The following PCNX2 variants were observed in gnomAD, a reference collection of about 807,000 sequenced individuals.
PCNX2 encodes pecanex 2, also known as pecanex-like protein 2.
PCNX2 carries 168 observed loss-of-function variants against 223.8 expected under a neutral mutation model. The ratio of observed to expected loss-of-function variants is 0.75; its 90% CI spans 0.66 to 0.85. PCNX2 has a LOEUF of 0.85. PCNX2 is among the 40% of genes least tolerant of loss of function. The pLI is 0.00. For missense variants in PCNX2, 2,507 were observed against 2,675.5 expected (o/e 0.94, Z 1.39); for synonymous variants, 1,006 against 1,052.6 (o/e 0.96, Z 0.86).
intron 1 of PCNX2, among the ~76,000 whole-genome samples, chr1:233,275,244 C>T (rs1181495023): frequency 6.6e-6 from 1 of 152,150 alleles, no homozygotes; most frequent in Non-Finnish European, 1.5e-5. Context: ...CGATCTGTCA[C>T]CCAGGCTGGA....
intron 21 of PCNX2, among the ~76,000 whole-genome samples, chr1:233,128,592 C>T (rs1024860238): frequency 2.3e-4 from 35 of 152,168 alleles, no homozygotes; most frequent in Non-Finnish European, 7.4e-5. Context: ...ACCTCAGCCT[C>T]CCGAAGTGCT....
chr1:233,153,499 C>T (rs941696660), intron 19 of PCNX2, among the ~76,000 whole-genome samples: 3 of 151,930 alleles, frequency 2.0e-5, no homozygotes, highest in East Asian at 1.9e-4. Context: ...AGGTGAACAA[C>T]GTTTAGACTT....
chr1:233,077,228 G>C (rs1172297891), intron 23 of PCNX2, among the ~76,000 whole-genome samples: 1 of 152,244 alleles, frequency 6.6e-6, no homozygotes, highest in African/African-American at 2.4e-5. Flanking sequence ...TTATTTTGGT[G>C]GGGGGAAGGA....
chr1:233,122,275 AT>A (rs1457429582), intron 21 of PCNX2, among the ~76,000 whole-genome samples: 9 of 152,190 alleles, frequency 5.9e-5, no homozygotes, highest in Non-Finnish European at 4.4e-5. Context: ...ACTGATATGA[AT>A]GAATGAATAA....
intron 25 of PCNX2, among the ~76,000 whole-genome samples, chr1:233,041,770 T>C (rs1671653395): frequency 6.6e-6 from 1 of 152,204 alleles, no homozygotes; most frequent in Non-Finnish European, 1.5e-5. Flanking sequence ...TGTCACGTTT[T>C]TTACTGTTAA....
intron 16 of PCNX2, 71 bp downstream of exon 16, chr1:233,178,995 G>T: frequency 2.2e-6 from 3 of 1,372,472 alleles, no homozygotes; most frequent in Non-Finnish European, 3.1e-6. Context: ...GCCCATCTCA[G>T]TCAGGGCACA....
chr1:233,265,088 T>TA (rs5781735), intron 1 of PCNX2, among the ~76,000 whole-genome samples: 45,005 of 151,474 alleles, frequency 0.3, 6,906 homozygotes, highest in South Asian at 0.44. Context: ...CTACAAAATT[T>TA]AAAAATTAGC....
chr1:233,325,248 T>G, the PCNX2 span, among the ~76,000 whole-genome samples: 1 of 152,148 alleles, frequency 6.6e-6, no homozygotes, highest in African/African-American at 2.4e-5. Flanking sequence ...AATATCAACA[T>G]TAACAGGAGT....
intron 21 of PCNX2, among the ~76,000 whole-genome samples, chr1:233,104,308 C>G (rs1325722230): frequency 6.6e-6 from 1 of 151,928 alleles, no homozygotes; most frequent in Non-Finnish European, 1.5e-5. Context: ...TTAAAGTCAC[C>G]TAAAAATTTT....
Position 233,258,910 on chromosome 1 carries a change from T to C in PCNX2, c.952A>G (p.Ile318Val). 6.2e-7 allele frequency: 1 copy of C among 1,613,860 alleles called. No individual in the cohort carries two copies. Among genetic ancestry groups the C allele is most frequent in the Non-Finnish European group, 8.5e-7 (1 of 1,179,854 alleles). The stretch of plus-strand genomic sequence containing the variant: ...GGCTCCTCCACAGGCTTGGCCACGA[T>C]GGTGTCACATTGAGGGCAGCTGCTG... The part of the protein sequence containing the change: ...LSSSCPQCDT[I>V]VAKPVEEPAD... The change falls in exon 5 of 34, where the codon ATC becomes GTC. Residue 318 changes from isoleucine to valine, a missense_variant. Ile to Val is a conservative substitution (Grantham distance 29, BLOSUM62 3). Coordinates refer to ENST00000258229, the MANE Select transcript of PCNX2 (RefSeq NM_014801.4).
chr1:233,172,522 AG>A (rs1326231288), intron 17 of PCNX2: 5 of 985,248 alleles, frequency 5.1e-6, no homozygotes, highest in Non-Finnish European at 6.0e-6. Context: ...TGACTTCCTG[AG>A]GATCATCCTC....
the PCNX2 span, among the ~76,000 whole-genome samples, chr1:233,326,676 T>C: frequency 2.0e-5 from 3 of 152,246 alleles, no homozygotes; most frequent in Non-Finnish European, 4.4e-5. Context: ...CCTATCCTCA[T>C]AATATCTAAA....
At chr1:232,995,480 G>A (rs924579630) in intron 32 of PCNX2, among the ~76,000 whole-genome samples, 3 of 152,102 alleles carry the variant, frequency 2.0e-5, no homozygotes, top group Non-Finnish European at 4.4e-5. Flanking sequence ...CAGAGTAAGC[G>A]TGTCATTTAA....
At chr1:233,299,346 C>T (rs75099623), upstream of PCNX2, among the ~76,000 whole-genome samples, 5 of 151,884 alleles carry the variant, frequency 3.3e-5, no homozygotes, top group Non-Finnish European at 7.4e-5. Flanking sequence ...GAATTTCTCT[C>T]GAACTATCAA....
intron 1 of PCNX2, chr1:233,291,828 T>A: frequency 1.0e-6 from 1 of 978,372 alleles, no homozygotes; most frequent in Non-Finnish European, 1.2e-6. Flanking sequence ...CATCTTTCAG[T>A]TTGTCCAAAA....
At position 233,232,897 on chromosome 1, in the gene PCNX2, T is replaced by C. The variant is rs75662609; in HGVS notation, c.2358+3948A>G. On this transcript the variant is annotated intron_variant, in intron 9 of 33. Coordinates refer to ENST00000258229, the MANE Select transcript of PCNX2 (RefSeq NM_014801.4). ...AATAATAATAATAATGCCACTATCA[T>C]AGACTTGCATAGAGCTTTAGAGTTT... is the stretch of plus-strand genomic sequence containing the variant. 1,435 of 984,478 alleles carry C rather than the reference T, an allele frequency of 1.5e-3. 19 individuals carry two copies. In the African/African-American group the frequency reaches 0.023, roughly 16 times the overall value. 61.0% of individuals were successfully genotyped at this position (984,478 alleles called of 1,614,324 possible).
At chr1:233,309,950 TCTC>T in the PCNX2 span, among the ~76,000 whole-genome samples, 1 of 152,082 alleles carries the variant, frequency 6.6e-6, no homozygotes, top group Non-Finnish European at 1.5e-5. Flanking sequence ...AGGATTCAAT[TCTC>T]CTTTTTCTGC....
chr1:233,265,897 G>A (rs1660305994), intron 1 of PCNX2, among the ~76,000 whole-genome samples: 1 of 152,174 alleles, frequency 6.6e-6, no homozygotes, highest in Non-Finnish European at 1.5e-5. Context: ...GAGAGATATT[G>A]CTTTTCAGTT....
intron 28 of PCNX2, among the ~76,000 whole-genome samples, chr1:233,009,644 T>C (rs1558159709): frequency 1.3e-5 from 2 of 152,174 alleles, no homozygotes; most frequent in Non-Finnish European, 2.9e-5. Context: ...GGGCTGGCTG[T>C]AGAAGAATTA....
Sources: gnomAD v4.1 joint callset for allele counts (sites outside exome capture counted in the v4.1 genomes callset) on GRCh38, gnomAD v4.1.1 for gene constraint, MANE v1.5 for transcripts, NCBI Gene and HGNC (gene_info 2026-07-23, HGNC 2026-07-21) for gene names.